The following XYLT1 variants were observed in gnomAD, a reference collection of about 807,000 sequenced individuals.
XYLT1 encodes xylosyltransferase 1.
In XYLT1, 36 loss-of-function variants were observed where a neutral mutation model predicts 91.3. The observed-to-expected ratio is 0.39, with a 90% CI of 0.30 to 0.52. The LOEUF is 0.52. Ranked by LOEUF, XYLT1 falls within the 20% of genes least tolerant of loss-of-function variation. The probability of loss-of-function intolerance (pLI) is 0.68; values close to 1 mark genes in which losing one functional copy is unlikely to be tolerated. For synonymous variants in XYLT1, 588 were observed against 532.0 expected, an observed-to-expected ratio of 1.11 and a Z score of -1.45; for missense variants, 1,242 against 1,284.5, an observed-to-expected ratio of 0.97 and a Z score of 0.51.
chr16:17,325,358 G>T (rs1166126663), intron 2 of XYLT1, among the ~76,000 whole-genome samples: 1 of 152,218 alleles, frequency 6.6e-6, no homozygotes, highest in Non-Finnish European at 1.5e-5. Context: ...CCAAGATGGT[G>T]CCACTGCACT....
intron 2 of XYLT1, among the ~76,000 whole-genome samples, chr16:17,339,331 T>C (rs567878388): frequency 5.9e-5 from 9 of 152,328 alleles, no homozygotes; most frequent in Non-Finnish European, 1.2e-4. Context: ...CAGACTGCAG[T>C]AGTATTAGCA....
At chr16:17,441,447 C>T (rs1020189142) in intron 1 of XYLT1, among the ~76,000 whole-genome samples, 4 of 152,124 alleles carry the variant, frequency 2.6e-5, no homozygotes, top group Non-Finnish European at 5.9e-5. Flanking sequence ...AACCCTGGGC[C>T]TGATTCTCTT....
intron 5 of XYLT1, among the ~76,000 whole-genome samples, chr16:17,159,809 T>C (rs1291507968): frequency 6.6e-6 from 1 of 152,248 alleles, no homozygotes; most frequent in African/African-American, 2.4e-5. Context: ...CGCTTGCGCA[T>C]ACAGCTGTGA....
chr16:17,288,773 G>A (rs1285553575), intron 2 of XYLT1, among the ~76,000 whole-genome samples: 1 of 152,126 alleles, frequency 6.6e-6, no homozygotes, highest in Non-Finnish European at 1.5e-5. Flanking sequence ...CCAGCTTAGA[G>A]GCAGCCAATC....
intron 1 of XYLT1, among the ~76,000 whole-genome samples, chr16:17,376,357 A>G (rs2035601443): frequency 6.6e-6 from 1 of 152,176 alleles, no homozygotes; most frequent in Non-Finnish European, 1.5e-5. Context: ...AAGAGGACAG[A>G]GGTAGGCCAA....
intron 2 of XYLT1, among the ~76,000 whole-genome samples, chr16:17,329,751 C>G (rs996550722): frequency 6.6e-6 from 1 of 152,276 alleles, no homozygotes; most frequent in South Asian, 2.1e-4. Context: ...ACTTGGAAAT[C>G]TACACATGGA....
chr16:17,419,670 T>G (rs1392737037), intron 1 of XYLT1, among the ~76,000 whole-genome samples: 1 of 152,214 alleles, frequency 6.6e-6, no homozygotes, highest in Admixed American at 6.5e-5. Flanking sequence ...TCACTGCATT[T>G]TCACATGCTG....
chr16:17,109,050 A>AAG, intron 11 of XYLT1, 33 bp from the exon 12 acceptor site: 1 of 1,488,032 alleles, frequency 6.7e-7, no homozygotes, highest in Non-Finnish European at 8.9e-7. Flanking sequence ...TCAGGATCAG[A>AAG]AGAGCCACCA....
intron 6 of XYLT1, among the ~76,000 whole-genome samples, chr16:17,158,046 C>T (rs932170011): frequency 6.6e-6 from 1 of 151,992 alleles, no homozygotes; most frequent in African/African-American, 2.4e-5. Context: ...TGCGCCTGGC[C>T]TTTAATGGTA....
At chr16:17,269,614 G>T (rs973788919) in intron 2 of XYLT1, among the ~76,000 whole-genome samples, 5 of 152,084 alleles carry the variant, frequency 3.3e-5, no homozygotes, top group African/African-American at 1.2e-4. Flanking sequence ...CCTCTAGACA[G>T]GGCATCATCT....
chr16:17,464,221 G>T (rs1596560281), intron 1 of XYLT1, among the ~76,000 whole-genome samples: 1 of 152,162 alleles, frequency 6.6e-6, no homozygotes, highest in Non-Finnish European at 1.5e-5. Context: ...GGGCACAGTG[G>T]CTCACATCTA....
At chr16:17,286,115 T>C (rs2034137532) in intron 2 of XYLT1, among the ~76,000 whole-genome samples, 1 of 152,216 alleles carries the variant, frequency 6.6e-6, no homozygotes, top group African/African-American at 2.4e-5. Context: ...GAGGATCTAT[T>C]ATTACTCCAA....
chr16:17,445,720 C>G (rs2036583347), intron 1 of XYLT1: 1 of 152,222 alleles, frequency 6.6e-6, no homozygotes, highest in Admixed American at 6.5e-5. Flanking sequence ...AATCCCGTCA[C>G]CAGCGGAGAA....
At chr16:17,306,381 C>G (rs1265762817) in intron 2 of XYLT1, among the ~76,000 whole-genome samples, 1 of 152,088 alleles carries the variant, frequency 6.6e-6, no homozygotes, top group Non-Finnish European at 1.5e-5. Context: ...CAGTGGCTCA[C>G]GCCTGTAATC....
At chr16:17,330,635 A>T (rs926694101) in intron 2 of XYLT1, among the ~76,000 whole-genome samples, 22 of 151,982 alleles carry the variant, frequency 1.4e-4, no homozygotes, top group South Asian at 4.2e-4. Context: ...AAAAATAAAA[A>T]AAAAAAAAAT....
chr16:17,257,122 G>A (rs775933223), intron 3 of XYLT1, among the ~76,000 whole-genome samples: 1 of 152,158 alleles, frequency 6.6e-6, no homozygotes, highest in African/African-American at 2.4e-5. Context: ...AGCGACAAGG[G>A]GGTACTGTGA....
intron 2 of XYLT1, among the ~76,000 whole-genome samples, chr16:17,272,049 T>A (rs2033903072): frequency 6.6e-6 from 1 of 151,660 alleles, no homozygotes; most frequent in Admixed American, 6.6e-5. Context: ...GAAGTTAGGG[T>A]TCCCGCTAGG....
intron 1 of XYLT1, among the ~76,000 whole-genome samples, chr16:17,419,215 G>A (rs189693584): frequency 6.6e-6 from 1 of 151,962 alleles, no homozygotes; most frequent in Admixed American, 6.6e-5. Context: ...GGTGGTGAAT[G>A]CCTGTAGTCC....
chr16:17,211,786 A>T (rs1001187707), intron 3 of XYLT1, among the ~76,000 whole-genome samples: 10 of 152,300 alleles, frequency 6.6e-5, no homozygotes, highest in African/African-American at 2.4e-4. Flanking sequence ...CCAAAGCCTC[A>T]TGTTCTCAGA....
Sources: gnomAD v4.1 joint callset for allele counts (sites outside exome capture counted in the v4.1 genomes callset) on GRCh38, gnomAD v4.1.1 for gene constraint, MANE v1.5 for transcripts, NCBI Gene and HGNC (gene_info 2026-07-23, HGNC 2026-07-21) for gene names.